SLF1: variants seen among roughly 807,000 people sequenced by gnomAD.
The protein encoded by SLF1 is SMC5/6 complex localization factor 1, also known as SMC5-SMC6 complex localization factor protein 1.
In SLF1, 105 loss-of-function variants were observed where a neutral mutation model predicts 123.0. That is an observed-to-expected ratio of 0.85 (90% confidence interval 0.73 to 1.00). The LOEUF (loss-of-function observed/expected upper bound fraction) is 1.00. Among genes scored for constraint, SLF1 ranks in the 50% least tolerant of loss-of-function variants. SLF1 has a pLI of 0.00. For missense variants in SLF1, 1,239 were observed against 1,223.0 expected, an observed-to-expected ratio of 1.01 and a Z score of -0.20; for synonymous variants, 434 against 406.6, an observed-to-expected ratio of 1.07 and a Z score of -0.81.
At chr5:94,676,956 A>T (rs985045706) in intron 14 of SLF1, among the ~76,000 whole-genome samples, 2 of 152,204 alleles carry the variant, frequency 1.3e-5, no homozygotes, top group African/African-American at 4.8e-5. Flanking sequence ...TCCAGTAGTC[A>T]CTGAGGGTTC....
In SLF1 at chr5:94,695,472, A is replaced by G; in HGVS notation, c.*160A>G. On this transcript the variant is annotated 3_prime_UTR_variant, in exon 21 of 21. Coordinates refer to ENST00000265140, the MANE Select transcript of SLF1 (RefSeq NM_032290.4). ...AAAGCATTTTTAAAAAAACTTCTAC[A>G]AAACTCTAGTATGGGCTTCTGACTT... The G allele has an allele frequency of 1.2e-6, 1 of 826,178 alleles. No homozygotes were observed. 51.2% of individuals were successfully genotyped at this position (826,178 alleles called of 1,614,324 possible).
intron 18 of SLF1, among the ~76,000 whole-genome samples, chr5:94,690,932 CTG>C (rs3084537): frequency 3.6e-4 from 52 of 144,506 alleles, no homozygotes; most frequent in South Asian, 1.1e-3. Flanking sequence ...GTGTGTGTGT[CTG>C]TGTGTGTGTG....
intron 9 of SLF1, among the ~76,000 whole-genome samples, chr5:94,655,766 A>G (rs942839049): frequency 3.3e-5 from 5 of 152,050 alleles, no homozygotes; most frequent in Admixed American, 6.5e-5. Context: ...ATTGGCATAT[A>G]GAAATGCTAC....
chr5:94,651,851 A>G lies in SLF1; in HGVS notation c.882+6A>G. 1 of 1,342,598 alleles carries G rather than the reference A, an allele frequency of 7.4e-7. No homozygotes were observed. The highest frequency in any genetic ancestry group is 9.9e-7 in the Non-Finnish European group (1 of 1,011,162). 83.2% of individuals were successfully genotyped at this position (1,342,598 alleles called of 1,614,324 possible). ...GCCATACATATGAAAATCAGGTACA[A>G]CTTTCCAAATTAAAAATAATTTATT... On this transcript the variant is annotated splice_donor_region_variant and intron_variant, in intron 7 of 20. Coordinates refer to ENST00000265140, the MANE Select transcript of SLF1 (RefSeq NM_032290.4).
At chr5:94,688,414 A>G in intron 16 of SLF1, 92 bp from the exon 17 acceptor site, 1 of 1,334,380 alleles carries the variant, frequency 7.5e-7, no homozygotes, top group Non-Finnish European at 1.0e-6. Flanking sequence ...CCAAGAAAAT[A>G]TAACCAAATG....
intron 4 of SLF1, among the ~76,000 whole-genome samples, chr5:94,636,436 G>A (rs1008224324): frequency 1.3e-5 from 2 of 151,858 alleles, no homozygotes; most frequent in African/African-American, 4.8e-5. Context: ...ATTCCCATAG[G>A]CTTTCTTCAT....
intron 20 of SLF1, among the ~76,000 whole-genome samples, chr5:94,692,494 G>A (rs1038616707): frequency 4.6e-5 from 7 of 152,144 alleles, no homozygotes; most frequent in African/African-American, 7.2e-5. Flanking sequence ...ATTTAGGTTC[G>A]TGTATGAGAG....
chr5:94,655,339 G>T (rs1748251538), intron 9 of SLF1, among the ~76,000 whole-genome samples: 1 of 152,008 alleles, frequency 6.6e-6, no homozygotes, highest in East Asian at 1.9e-4. Context: ...ATAGCTTTGT[G>T]GTATACTTTG....
At chr5:94,663,566 C>T (rs1393764865) in intron 10 of SLF1, among the ~76,000 whole-genome samples, 184 bp from the exon 11 acceptor site, 1 of 152,198 alleles carries the variant, frequency 6.6e-6, no homozygotes, top group Non-Finnish European at 1.5e-5. Context: ...ATCACTTGAA[C>T]CTGGGAGACG....
chr5:94,665,885 C>T lies in SLF1; in HGVS notation c.1393C>T (p.Arg465Ter), dbSNP rs1399317993. The T allele has an allele frequency of 7.1e-6, 11 of 1,546,724 alleles. No homozygotes were observed. Among genetic ancestry groups the T allele is most frequent in the East Asian group, 2.4e-5 (1 of 40,878 alleles). Residue 465 changes from arginine (R) to a stop codon, truncating the protein, a stop_gained, in exon 12 of 21, where the codon CGA (arginine) becomes TGA (stop). Coordinates refer to ENST00000265140, the MANE Select transcript of SLF1 (RefSeq NM_032290.4). LOFTEE classifies it high-confidence loss of function. ...GGATAACATAGATACATTTTCTGGTCGATACTTTCATATATTGTCAGCTCT... is the reference window on the plus strand; with the variant it reads ...GGATAACATAGATACATTTTCTGGTTGATACTTTCATATATTGTCAGCTCT... ...LQDNIDTFSG[R>*]YFHILSALLH... is the part of the protein sequence containing the mutation.
intron 14 of SLF1, among the ~76,000 whole-genome samples, chr5:94,673,396 C>T (rs1198155325): frequency 2.0e-5 from 3 of 151,722 alleles, no homozygotes; most frequent in Admixed American, 6.6e-5. Flanking sequence ...CAATTGAGGC[C>T]GGGTGCAGTG....
chr5:94,619,739 C>T (rs1791503134), intron 1 of SLF1, among the ~76,000 whole-genome samples: 1 of 152,158 alleles, frequency 6.6e-6, no homozygotes, highest in Non-Finnish European at 1.5e-5. Context: ...CTTGGAAATA[C>T]CTGTGGATGT....
intron 4 of SLF1, among the ~76,000 whole-genome samples, chr5:94,642,912 A>C (rs1255690709): frequency 6.6e-6 from 1 of 152,054 alleles, no homozygotes; most frequent in Admixed American, 6.6e-5. Flanking sequence ...GTCCAGAATT[A>C]CTTTCTTGGG....
rs1204287126 is a variant in SLF1 at position 94,688,535 on chromosome 5, A to G, written c.2151A>G (p.Lys717=). 15 of 1,613,966 alleles carry G rather than the reference A, an allele frequency of 9.3e-6. No homozygotes were observed. The highest frequency in any genetic ancestry group is 1.3e-5 in the African/African-American group (1 of 74,920). The part of the protein sequence containing the change: ...MVYSYLPALG[K]TGVLGSGKIQ... The stretch of plus-strand genomic sequence containing the variant: ...ATTCCTATTTACCAGCCTTGGGGAA[A>G]ACTGGTGTGCTTGGGTCTGGAAAGA... The change falls in exon 17 of 21, where the codon AAA becomes AAG. Residue 717 remains lysine (K), a synonymous_variant. Transcript: ENST00000265140.
intron 14 of SLF1, among the ~76,000 whole-genome samples, chr5:94,677,536 T>G (rs1124668): frequency 0.22 from 33,859 of 152,082 alleles, 3,892 homozygotes; most frequent in East Asian, 0.34. Flanking sequence ...TGGGATTAAT[T>G]AGAAAGAAAT....
rs1162405303 is a variant in SLF1 at position 94,629,140 on chromosome 5, G to A, written c.163G>A (p.Glu55Lys). Reference protein sequence around the residue: ...HLIAERLCKSEKFLAACAAGK... With the variant: ...HLIAERLCKSKKFLAACAAGK... ...TATAGCTGAACGCCTATGTAAGAGT[G>A]AAAAATTTTTAGCAGCTTGTGCGGC... Residue 55 changes from glutamate (E) to lysine (K), a missense_variant, in exon 3 of 21, where the codon GAA becomes AAA. Transcript: ENST00000265140. The A allele has an allele frequency of 1.3e-6, 2 of 1,548,000 alleles. No homozygotes were observed. Among genetic ancestry groups the A allele is most frequent in the Non-Finnish European group, 1.7e-6 (2 of 1,145,664 alleles).
In SLF1 at chr5:94,653,265, C is replaced by T. The variant is rs573549884; in HGVS notation, c.883-7C>T. 7.2e-5 allele frequency: 109 copies of T among 1,512,890 alleles called. 1 individual carries two copies. In the South Asian group the frequency reaches 1.0e-3, roughly 14 times the overall value. The allele number at this position is 1,512,890 out of a possible 1,614,324, so 93.7% of individuals were successfully genotyped here. A position where few individuals can be genotyped will look rare whatever the true frequency, so the allele number is the denominator to read the frequency against. On this transcript the variant is annotated splice_polypyrimidine_tract_variant and splice_region_variant and intron_variant, in intron 7 of 20. Coordinates refer to ENST00000265140, the MANE Select transcript of SLF1 (RefSeq NM_032290.4). ...TTGAGATTTAATTGTGGTCTAAATA[C>T]ATGTAGAAGGAAATTAAGAAAAAAG...
At chr5:94,693,390 A>T (rs566372689) in intron 20 of SLF1, among the ~76,000 whole-genome samples, 1 of 152,162 alleles carries the variant, frequency 6.6e-6, no homozygotes, top group South Asian at 2.1e-4. Context: ...CATTCAGGCC[A>T]ATATTTGTTA....
chr5:94,633,685 C>T lies in SLF1; in HGVS notation c.431+2942C>T, dbSNP rs190724615. 1.8e-4 allele frequency among the ~76,000 whole-genome samples: 28 copies of T among 152,180 alleles called. 1 individual carries two copies. In the East Asian group the frequency reaches 2.7e-3, roughly 15 times the overall value. ...ATTTAACGAAGATACTAGAAGATCT[C>T]GCTAGTGAATTTAGCGAGATCAAAA... On this transcript the variant is annotated intron_variant, in intron 4 of 20. Coordinates refer to ENST00000265140, the MANE Select transcript of SLF1 (RefSeq NM_032290.4).
Sources: gnomAD v4.1 joint callset for allele counts (sites outside exome capture counted in the v4.1 genomes callset) on GRCh38, gnomAD v4.1.1 for gene constraint, MANE v1.5 for transcripts, NCBI Gene and HGNC (gene_info 2026-07-23, HGNC 2026-07-21) for gene names.